The following MYO5B variants were observed in gnomAD, a reference collection of about 807,000 sequenced individuals.
The protein encoded by MYO5B is unconventional myosin-Vb.
MYO5B carries 143 observed loss-of-function variants against 229.3 expected under a neutral mutation model. The observed-to-expected ratio is 0.62, with a 90% CI of 0.54 to 0.72. The LOEUF is 0.72. Ranked by LOEUF, MYO5B falls within the 30% of genes least tolerant of loss-of-function variation. The pLI is 0.00. For synonymous variants in MYO5B, 918 were observed against 885.2 expected, an observed-to-expected ratio of 1.04 and a Z score of -0.66; for missense variants, 2,321 against 2,331.0, an observed-to-expected ratio of 1.00 and a Z score of 0.09.
chr18:50,048,217 A>T (rs1458143784), intron 2 of MYO5B, among the ~76,000 whole-genome samples: 1 of 151,744 alleles, frequency 6.6e-6, no homozygotes, highest in Non-Finnish European at 1.5e-5. Context: ...CAGAAAGCTT[A>T]TTCTCCTTAA....
intron 4 of MYO5B, among the ~76,000 whole-genome samples, chr18:50,004,655 G>T (rs116315392): frequency 6.6e-6 from 1 of 152,096 alleles, no homozygotes; most frequent in African/African-American, 2.4e-5. Flanking sequence ...GTAGTCCCAG[G>T]TACTCAGGAG....
chr18:50,042,473 T>A (rs1434418289), intron 2 of MYO5B, among the ~76,000 whole-genome samples: 1 of 152,240 alleles, frequency 6.6e-6, no homozygotes, highest in African/African-American at 2.4e-5. Flanking sequence ...GCCTCTTTTT[T>A]TGTGAAAAGC....
chr18:50,122,970 A>G (rs1181098631), intron 1 of MYO5B, among the ~76,000 whole-genome samples: 2 of 152,212 alleles, frequency 1.3e-5, no homozygotes, highest in Non-Finnish European at 2.9e-5. Context: ...ACTGCATGCT[A>G]TATACCCAAA....
At position 49,883,363 on chromosome 18, in the gene MYO5B, C is replaced by A. The variant is rs560778664; in HGVS notation, c.3046-2908G>T. 1.7e-4 allele frequency among the ~76,000 whole-genome samples: 25 copies of A among 149,948 alleles called. No individual in the cohort carries two copies. The South Asian group carries it at 5.2e-3, about 31-fold the overall frequency. The stretch of plus-strand genomic sequence containing the variant: ...TTTGTATATATTTGCAATGAACAAT[C>A]TGAAAAATAAATTAAGAAAACGATT... On this transcript the variant is annotated intron_variant, in intron 22 of 39. Transcript: ENST00000285039.
chr18:49,982,814 A>G (rs1395645295), intron 8 of MYO5B, among the ~76,000 whole-genome samples: 4 of 152,202 alleles, frequency 2.6e-5, no homozygotes, highest in Non-Finnish European at 4.4e-5. Flanking sequence ...AAAAAGGGAC[A>G]TGTTTATTAA....
Position 49,864,215 on chromosome 18 carries a change from G to C in MYO5B, c.3769C>G (p.Arg1257Gly). 1 of 1,613,794 alleles carries C rather than the reference G, an allele frequency of 6.2e-7. No homozygotes were observed. Among genetic ancestry groups the C allele is most frequent in the African/African-American group, 1.3e-5 (1 of 75,064 alleles). The change falls in exon 28 of 40, where the codon CGC (arginine) becomes GGC (glycine). Residue 1257 changes from arginine to glycine, a missense_variant. Transcript: ENST00000285039. ...CTGAGGATGAGCACCTCCTCCTTGC[G>C]CACCTCGAGCTCCTCGTGGGCCAGC... is the stretch of plus-strand genomic sequence containing the variant. ...LKLAHEELEV[R>G]KEEVLILRTQ...
intron 20 of MYO5B, among the ~76,000 whole-genome samples, chr18:49,903,672 T>C (rs2024868520): frequency 6.6e-6 from 1 of 152,224 alleles, no homozygotes; most frequent in African/African-American, 2.4e-5. Flanking sequence ...AATCACACCT[T>C]CTGTGATCAT....
intron 14 of MYO5B, among the ~76,000 whole-genome samples, chr18:49,946,956 G>A (rs528940864): frequency 1.0e-4 from 14 of 136,092 alleles, no homozygotes; most frequent in East Asian, 4.3e-4. Flanking sequence ...GTAGACATCC[G>A]CAAAAGACCC....
intron 12 of MYO5B, among the ~76,000 whole-genome samples, chr18:49,957,702 G>T (rs1023866432): frequency 8.0e-6 from 1 of 124,830 alleles, no homozygotes. Context: ...AAAAAAACCA[G>T]ACCCCAAGGC....
At chr18:50,056,001 T>C (rs2030540135) in intron 1 of MYO5B, among the ~76,000 whole-genome samples, 1 of 152,184 alleles carries the variant, frequency 6.6e-6, no homozygotes, top group South Asian at 2.1e-4. Context: ...CACTGCAGCC[T>C]CCAACTCCTG....
intron 2 of MYO5B, among the ~76,000 whole-genome samples, chr18:50,046,581 A>C (rs1420678365): frequency 1.3e-5 from 2 of 152,220 alleles, no homozygotes; most frequent in Non-Finnish European, 2.9e-5. Flanking sequence ...GAAGAAAAAC[A>C]ATGTTAAGGA....
Position 50,055,367 on chromosome 18 carries a change from G to A in MYO5B, c.39C>T (p.Val13=). ...ATACCTCATCAGGGTCAGGGATCCA[G>A]ACCCTTGTGCACTGAAAGATTAAAA... ...VGELYSQCTR[V]WIPDPDEVWR... Residue 13 remains valine (V), a synonymous_variant, in exon 2 of 40, where the codon GTC becomes GTT. Transcript: ENST00000285039. 6.2e-7 allele frequency: 1 copy of A among 1,613,610 alleles called. No homozygotes were observed. The highest frequency in any genetic ancestry group is 8.5e-7 in the Non-Finnish European group (1 of 1,179,772).
In MYO5B at chr18:49,909,268, C is replaced by T. The variant is rs556043514; in HGVS notation, c.2203-2638G>A. Among the ~76,000 whole-genome samples the T allele has an allele frequency of 1.6e-4, 25 of 152,234 alleles. No individual in the cohort carries two copies. The South Asian group carries it at 3.9e-3, about 24-fold the overall frequency. On this transcript the variant is annotated intron_variant, in intron 18 of 39. Transcript: ENST00000285039. ...AAATAAAAAGGAGGAAATAGAAGAC[C>T]CCAGGGAAATCTTTAGCATTAGTGT...
chr18:49,854,526 C>G (rs2024238004), intron 30 of MYO5B, among the ~76,000 whole-genome samples: 1 of 152,200 alleles, frequency 6.6e-6, no homozygotes, highest in Non-Finnish European at 1.5e-5. Flanking sequence ...TTACTTAAAC[C>G]AGCTTTCCGA....
intron 11 of MYO5B, 66 bp from the exon 12 acceptor site, chr18:49,962,472 G>C: frequency 1.2e-6 from 2 of 1,604,372 alleles, no homozygotes; most frequent in Middle Eastern, 1.7e-4. Context: ...CTCCCCCAGG[G>C]GCTCAGTGAG....
At chr18:49,991,966 T>C (rs974484181) in intron 6 of MYO5B, among the ~76,000 whole-genome samples, 4 of 152,230 alleles carry the variant, frequency 2.6e-5, no homozygotes, top group Admixed American at 1.3e-4. Context: ...ATTCCCCTGA[T>C]AAGACTTTAA....
At chr18:50,153,584 G>C (rs1387165282) in intron 1 of MYO5B, among the ~76,000 whole-genome samples, 1 of 152,096 alleles carries the variant, frequency 6.6e-6, no homozygotes, top group Non-Finnish European at 1.5e-5. Flanking sequence ...AGAATAGCTG[G>C]GACTACAGGT....
intron 39 of MYO5B, among the ~76,000 whole-genome samples, chr18:49,826,999 G>A (rs1169539839): frequency 6.6e-6 from 1 of 152,004 alleles, no homozygotes; most frequent in Admixed American, 6.5e-5. Context: ...GCACCACCCT[G>A]GGCAAATTCC....
At chr18:50,079,907 T>C (rs923332935) in intron 1 of MYO5B, among the ~76,000 whole-genome samples, 1 of 152,200 alleles carries the variant, frequency 6.6e-6, no homozygotes, top group Admixed American at 6.5e-5. Context: ...AGGAGCACAA[T>C]GGTGCTGTTC....
Sources: allele counts gnomAD v4.1 joint callset (sites outside exome capture counted in the v4.1 genomes callset), GRCh38; gene constraint gnomAD v4.1.1; transcripts MANE v1.5; gene names NCBI Gene and HGNC (gene_info 2026-07-23, HGNC 2026-07-21).